The following CC2D1A variants were observed in gnomAD, a reference collection of about 807,000 sequenced individuals.
CC2D1A encodes the protein coiled-coil and C2 domain containing 1A, also known as coiled-coil and C2 domain-containing protein 1A.
A neutral mutation model predicts 123.8 loss-of-function variants in CC2D1A; 68 were observed. The observed-to-expected ratio is 0.55, with a 90% CI of 0.45 to 0.67. CC2D1A has a LOEUF of 0.67. Among genes scored for constraint, CC2D1A ranks in the 30% least tolerant of loss-of-function variants. The probability of loss-of-function intolerance (pLI) is 0.00; values close to 1 mark genes in which losing one functional copy is unlikely to be tolerated. For synonymous variants in CC2D1A, 477 were observed against 528.0 expected (o/e 0.90, Z 1.32); for missense variants, 1,185 against 1,290.3 (o/e 0.92, Z 1.25).
At chr19:13,927,579 C>A in intron 22 of CC2D1A, 1 of 460,754 alleles carries the variant, frequency 2.2e-6, no homozygotes, top group South Asian at 2.4e-5. Context: ...GAGATCGAGA[C>A]CATCCTGGCT....
chr19:13,920,512 C>A, intron 12 of CC2D1A, 45 bp from the exon 13 acceptor site: 1 of 1,176,062 alleles, frequency 8.5e-7, no homozygotes. Context: ...CTGGACTCAT[C>A]ACAGGCGCTA....
At chr19:13,911,591 G>A (rs1476796127) in intron 2 of CC2D1A, among the ~76,000 whole-genome samples, 3 of 150,484 alleles carry the variant, frequency 2.0e-5, no homozygotes, top group Non-Finnish European at 4.4e-5. Context: ...TGTTGCCCAG[G>A]CTGCAGTGCA....
rs759913319 is a variant in CC2D1A, at chr19:13,913,150, G to T, written c.379-18G>T. 1 of 1,591,382 alleles carries T rather than the reference G, an allele frequency of 6.3e-7. No individual in the cohort carries two copies. Among genetic ancestry groups the T allele is most frequent in the Non-Finnish European group, 8.5e-7 (1 of 1,170,664 alleles). ...CAAGTGGGGTCACCACCCACACTGTGCCCCTGCCCTCCCACAGCCGAAGCC... is the reference window on the plus strand; with the variant it reads ...CAAGTGGGGTCACCACCCACACTGTTCCCCTGCCCTCCCACAGCCGAAGCC... On this transcript the variant is annotated intron_variant, in intron 4 of 28. Coordinates refer to ENST00000318003, the MANE Select transcript of CC2D1A (RefSeq NM_017721.5).
chr19:13,923,274 G>A lies in CC2D1A; in HGVS notation c.1642-59G>A, dbSNP rs1971470929. 5.2e-6 allele frequency: 8 copies of A among 1,530,670 alleles called. No homozygotes were observed. In the Admixed American group the frequency reaches 1.4e-4, roughly 27 times the overall value. 94.8% of individuals were successfully genotyped at this position (1,530,670 alleles called of 1,614,324 possible). ...GTCAAGGAAGAATGACATTTCTGCA[G>A]AGCCCTAGGTGGGCCTGCTTGTCCT... is the stretch of plus-strand genomic sequence containing the variant. On this transcript the variant is annotated intron_variant, in intron 14 of 28. Coordinates refer to ENST00000318003, the MANE Select transcript of CC2D1A (RefSeq NM_017721.5). This position sits in a 1 kb window ranked among gnomAD's most constrained non-coding sequence, Gnocchi z 5.3.
Position 13,918,513 on chromosome 19 carries a change from G to T in CC2D1A, c.883G>T (p.Ala295Ser). ...RHFRVAKSFD[A>S]VLEALSRGEP... Reference sequence around the variant, plus strand: ...CTCTTCCTTCTCCCAGAGCTTTGATGCTGTCTTGGAGGCCCTGAGCCGGGG... The same window carrying T: ...CTCTTCCTTCTCCCAGAGCTTTGATTCTGTCTTGGAGGCCCTGAGCCGGGG... Residue 295 changes from alanine to serine, a missense_variant, in exon 8 of 29, where the codon GCT (alanine) becomes TCT (serine). By Grantham distance (99) the Ala-to-Ser change is moderately conservative (BLOSUM62 1). Coordinates refer to ENST00000318003, the MANE Select transcript of CC2D1A (RefSeq NM_017721.5). 6.2e-7 allele frequency: 1 copy of T among 1,613,826 alleles called. No homozygotes were observed. Among genetic ancestry groups the T allele is most frequent in the Non-Finnish European group, 8.5e-7 (1 of 1,179,904 alleles).
intron 14 of CC2D1A, among the ~76,000 whole-genome samples, chr19:13,921,892 T>C (rs915567990): frequency 1.3e-4 from 20 of 152,180 alleles, no homozygotes; most frequent in African/African-American, 3.4e-4. Context: ...GATGTTCTAA[T>C]TGAGAGACCA....
At chr19:13,918,354 C>A in intron 7 of CC2D1A, 150 bp from the exon 8 acceptor site, 1 of 1,067,260 alleles carries the variant, frequency 9.4e-7, no homozygotes, top group Non-Finnish European at 1.3e-6. Flanking sequence ...GTGAAATGGG[C>A]ACGTGTGTTG....
rs775360692 is a variant in CC2D1A, at chr19:13,913,409, G to A, written c.519G>A (p.Leu173=). ...ATACTCACGCCTTATCTTAGACACT[G>A]GAAAACCTGCTCGCCTCCATCCGTA... ...MRRYDRGLKT[L]ENLLASIRKG... is the part of the protein sequence containing the mutation. Residue 173 remains leucine (L), a synonymous_variant, in exon 6 of 29, where the codon CTG becomes CTA. Coordinates refer to ENST00000318003, the MANE Select transcript of CC2D1A (RefSeq NM_017721.5). The A allele has an allele frequency of 2.5e-6, 4 of 1,613,860 alleles. No individual in the cohort carries two copies. The Middle Eastern group carries it at 4.9e-4, about 199-fold the overall frequency.
rs935603813 is a variant in CC2D1A, at chr19:13,929,537, C to T, written c.2587C>T (p.Leu863=). The change falls in exon 26 of 29, where the codon CTG becomes TTG. Residue 863 remains leucine (L), a synonymous_variant. Coordinates refer to ENST00000318003, the MANE Select transcript of CC2D1A (RefSeq NM_017721.5). ...FDQERLERKI[L]ALRQARRPVP... is the part of the protein sequence containing the mutation. Reference sequence around the variant, plus strand: ...CAGGACCCTCTGTATCCTCTAGATCCTGGCCCTCAGGCAGGCGCGGCGGCC... The same window carrying T: ...CAGGACCCTCTGTATCCTCTAGATCTTGGCCCTCAGGCAGGCGCGGCGGCC... 1 of 1,612,116 alleles carries T rather than the reference C, an allele frequency of 6.2e-7. No individual in the cohort carries two copies. The highest frequency in any genetic ancestry group is 8.5e-7 in the Non-Finnish European group (1 of 1,179,840).
At chr19:13,930,000 G>A (rs1971838016) in intron 26 of CC2D1A, 78 bp from the exon 27 acceptor site, 2 of 1,459,524 alleles carry the variant, frequency 1.4e-6, no homozygotes, top group Non-Finnish European at 1.9e-6. Flanking sequence ...GACGGGCTTG[G>A]GGATGGGCAC....
intron 11 of CC2D1A, 109 bp downstream of exon 11, chr19:13,919,311 C>T (rs1416497449): frequency 3.6e-6 from 3 of 824,564 alleles, no homozygotes; most frequent in East Asian, 2.7e-5. Flanking sequence ...GTTCCTCCAG[C>T]CTCTGAGCCT....
Position 13,929,531 on chromosome 19 carries a change from T to C in CC2D1A, c.2584-3T>C, listed in dbSNP as rs1265710852. On this transcript the variant is annotated splice_polypyrimidine_tract_variant and splice_region_variant and intron_variant, in intron 25 of 28. Transcript: ENST00000318003. ...TCCTCACAGGACCCTCTGTATCCTCTAGATCCTGGCCCTCAGGCAGGCGCG... is the reference window on the plus strand; with the variant it reads ...TCCTCACAGGACCCTCTGTATCCTCCAGATCCTGGCCCTCAGGCAGGCGCG... 6.2e-7 allele frequency: 1 copy of C among 1,611,986 alleles called. No homozygotes were observed. The highest frequency in any genetic ancestry group is 8.5e-7 in the Non-Finnish European group (1 of 1,179,806).
At chr19:13,915,256 A>C (rs1463561974) in intron 6 of CC2D1A, among the ~76,000 whole-genome samples, 2 of 152,002 alleles carry the variant, frequency 1.3e-5, no homozygotes, top group African/African-American at 4.8e-5. Context: ...CAATACTTTA[A>C]TTTTTTTGAG....
chr19:13,918,450 G>T, intron 7 of CC2D1A, 54 bp from the exon 8 acceptor site: 1 of 1,542,902 alleles, frequency 6.5e-7, no homozygotes, highest in South Asian at 1.2e-5. Context: ...GCTCCCCACA[G>T]GGTCCAAGCC....
rs1289913400 is a variant in CC2D1A, at chr19:13,913,331, A to AC, written c.513+35dup. On this transcript the variant is annotated intron_variant, in intron 5 of 28. Coordinates refer to ENST00000318003, the MANE Select transcript of CC2D1A (RefSeq NM_017721.5). Reference sequence around the variant, plus strand: ...AGTGGGCAGAGGGCAGGGTACAGGGACCCCCCGCCAACCCCGATGCCCTGC... The same window carrying AC: ...AGTGGGCAGAGGGCAGGGTACAGGGACCCCCCCGCCAACCCCGATGCCCTGC... 1.9e-5 allele frequency: 30 copies of AC among 1,605,994 alleles called. No homozygotes were observed. The South Asian group carries it at 2.2e-4, about 12-fold the overall frequency.
Position 13,917,797 on chromosome 19 carries a change from G to A in CC2D1A, c.749-273G>A, listed in dbSNP as rs142907555. ...ACTTTGAGACCAGCCTGGCCAACAC[G>A]GCGAAACCCTGTCTCTACTAAAAAC... On this transcript the variant is annotated intron_variant, in intron 6 of 28. Transcript: ENST00000318003. 6.4e-3 allele frequency among the ~76,000 whole-genome samples: 981 copies of A among 152,236 alleles called. 6 individuals are homozygous for A. Among genetic ancestry groups the A allele is most frequent in the Middle Eastern group, 0.048 (14 of 294 alleles).
At chr19:13,916,497 G>A (rs958645241) in intron 6 of CC2D1A, among the ~76,000 whole-genome samples, 1 of 152,150 alleles carries the variant, frequency 6.6e-6, no homozygotes, top group Admixed American at 6.6e-5. Context: ...CTGGAAGGTT[G>A]AGGCTGAAGT....
In CC2D1A at chr19:13,913,613, C is replaced by G; in HGVS notation, c.723C>G (p.Gly241=). 1 of 1,610,206 alleles carries G rather than the reference C, an allele frequency of 6.2e-7. No individual in the cohort carries two copies. The highest frequency in any genetic ancestry group is 8.5e-7 in the Non-Finnish European group (1 of 1,177,620). The change falls in exon 6 of 29, where the codon GGC becomes GGG. Residue 241 remains glycine, a synonymous_variant. Transcript: ENST00000318003. ...CCACCGCCCCAGCCTCATCTCCAGG[C>G]TTGGCTAAGCCCCAGATGCCCCCAG... is the stretch of plus-strand genomic sequence containing the variant. ...PSATAPASSP[G]LAKPQMPPGP...
intron 2 of CC2D1A, among the ~76,000 whole-genome samples, chr19:13,911,873 G>A: frequency 1.3e-5 from 2 of 152,080 alleles, no homozygotes; most frequent in Non-Finnish European, 2.9e-5. Flanking sequence ...CCGCCAGCAT[G>A]CCTGGCTAAT....
Sources: gnomAD v4.1 joint callset for allele counts (sites outside exome capture counted in the v4.1 genomes callset) on GRCh38, gnomAD v4.1.1 for gene constraint, Gnocchi (gnomAD v3.1) non-coding constraint, MANE v1.5 for transcripts, NCBI Gene and HGNC (gene_info 2026-07-23, HGNC 2026-07-21) for gene names.